The following TNFRSF8 variants were observed in gnomAD, a reference collection of about 807,000 sequenced individuals.
TNFRSF8 encodes the protein TNF receptor superfamily member 8.
A neutral mutation model predicts 70.8 loss-of-function variants in TNFRSF8; 26 were observed. The ratio of observed to expected loss-of-function variants is 0.37; its 90% CI spans 0.27 to 0.51. TNFRSF8 has a LOEUF of 0.51. TNFRSF8 is among the 20% of genes least tolerant of loss of function. The pLI, the probability that TNFRSF8 is intolerant of heterozygous loss-of-function variation, is 0.94. For synonymous variants in TNFRSF8, 356 were observed against 339.2 expected (o/e 1.05, Z -0.54); for missense variants, 720 against 807.9 (o/e 0.89, Z 1.32).
chr1:12,068,958 G>A (rs1264960091), intron 1 of TNFRSF8, among the ~76,000 whole-genome samples: 48 of 148,036 alleles, frequency 3.2e-4, no homozygotes, highest in African/African-American at 8.8e-4. Context: ...TGCAACCTCC[G>A]CCTCCCGGGT....
intron 2 of TNFRSF8, among the ~76,000 whole-genome samples, chr1:12,089,531 GT>G (rs1641210954): frequency 6.6e-6 from 1 of 152,150 alleles, no homozygotes; most frequent in Non-Finnish European, 1.5e-5. Context: ...ATAGGAGGAA[GT>G]ATGTGGGCGT....
chr1:12,094,369 C>T (rs148606279), intron 2 of TNFRSF8, among the ~76,000 whole-genome samples: 161 of 152,220 alleles, frequency 1.1e-3, no homozygotes, highest in Middle Eastern at 6.8e-3. Flanking sequence ...TGTGCAAAGG[C>T]CCTGGGGTGG....
chr1:12,072,628 T>C (rs1411826569), intron 1 of TNFRSF8, among the ~76,000 whole-genome samples: 1 of 152,108 alleles, frequency 6.6e-6, no homozygotes, highest in Non-Finnish European at 1.5e-5. Flanking sequence ...AGGTTCCCCT[T>C]GGGTTCTTGG....
chr1:12,123,342 C>T lies in TNFRSF8; in HGVS notation c.1005C>T (p.Cys335=), dbSNP rs1570063074. Residue 335 remains cysteine, a synonymous_variant, in exon 9 of 15, where the codon TGC becomes TGT. Coordinates refer to ENST00000263932, the MANE Select transcript of TNFRSF8 (RefSeq NM_001243.5). The part of the protein sequence containing the change: ...EAPPLGTQPD[C]NPTPENGEAP... ...CACCCCTGGGGACCCAGCCGGACTG[C>T]AACCCCACCCCAGAGAATGGCGAGG... The T allele has an allele frequency of 1.9e-6, 3 of 1,613,296 alleles. No individual in the cohort carries two copies. Among genetic ancestry groups the T allele is most frequent in the Non-Finnish European group, 1.7e-6 (2 of 1,179,760 alleles).
rs1640687042 is a variant in TNFRSF8 at position 12,063,648 on chromosome 1, G to T, written c.50G>T (p.Arg17Leu). The T allele has an allele frequency of 3.9e-6, 5 of 1,283,444 alleles. No homozygotes were observed. Among genetic ancestry groups the T allele is most frequent in the Non-Finnish European group, 5.0e-6 (5 of 1,005,888 alleles). The allele number at this position is 1,283,444 out of a possible 1,614,324, so 79.5% of individuals were successfully genotyped here. The change falls in exon 1 of 15, where the codon CGA becomes CTA. Residue 17 changes from arginine (R) to leucine (L), a missense_variant. By Grantham distance (102) the Arg-to-Leu change is moderately radical (BLOSUM62 -2). Transcript: ENST00000263932. The surrounding 1 kb of genome is among the most constrained non-coding windows in gnomAD (Gnocchi z 7.2). ...GGACTGCTGTTCCTGGGGGCGCTAC[G>T]AGCCTTCCCACAGGTAAGCGGGTGA... ...ALGLLFLGALRAFPQDRPFED... is the reference protein window; with the variant it reads ...ALGLLFLGALLAFPQDRPFED...
At chr1:12,091,890 C>G (rs1641253593) in intron 2 of TNFRSF8, among the ~76,000 whole-genome samples, 1 of 152,208 alleles carries the variant, frequency 6.6e-6, no homozygotes, top group Non-Finnish European at 1.5e-5. Flanking sequence ...ACCTAGATCC[C>G]TTGCACGTGC....
chr1:12,065,078 CTT>C (rs773549918), intron 1 of TNFRSF8, among the ~76,000 whole-genome samples: 4 of 88,256 alleles, frequency 4.5e-5, no homozygotes, highest in Admixed American at 1.6e-4. Context: ...CATACCAAAC[CTT>C]TTTTTTTTTT....
chr1:12,104,668 TG>T (rs1641489106), intron 4 of TNFRSF8, 137 bp downstream of exon 4: 1 of 1,126,796 alleles, frequency 8.9e-7, no homozygotes, highest in Non-Finnish European at 1.3e-6. Flanking sequence ...CCTTTGGCGA[TG>T]GGCCAGGGAT....
At chr1:12,126,878 CG>C (rs1448522320) in intron 12 of TNFRSF8, among the ~76,000 whole-genome samples, 1 of 152,216 alleles carries the variant, frequency 6.6e-6, no homozygotes, top group African/African-American at 2.4e-5. Flanking sequence ...TGCCTGCAAT[CG>C]GTGGCTGCTG....
chr1:12,084,347 C>T lies in TNFRSF8; in HGVS notation c.64-117C>T. 3 of 905,208 alleles carry T rather than the reference C, an allele frequency of 3.3e-6. No homozygotes were observed. The South Asian group carries it at 4.4e-5, about 13-fold the overall frequency. 56.1% of individuals were successfully genotyped at this position (905,208 alleles called of 1,614,324 possible). A position where few individuals can be genotyped will look rare whatever the true frequency, so the allele number is the denominator to read the frequency against. ...GGTTTGTGGAATCAGGAGTTCTCGT[C>T]CTGATTTCTCTCCTATATTACAAAG... On this transcript the variant is annotated intron_variant, in intron 1 of 14. Transcript: ENST00000263932.
chr1:12,127,066 G>A (rs1641955300), intron 12 of TNFRSF8, among the ~76,000 whole-genome samples: 1 of 152,170 alleles, frequency 6.6e-6, no homozygotes, highest in African/African-American at 2.4e-5. Flanking sequence ...ACCTGTCCAG[G>A]CAGGGTCGTC....
chr1:12,096,815 C>T (rs1641339496), intron 2 of TNFRSF8, among the ~76,000 whole-genome samples: 1 of 152,174 alleles, frequency 6.6e-6, no homozygotes, highest in Non-Finnish European at 1.5e-5. Context: ...ACAAATAGTG[C>T]TGACAAGGTC....
At chr1:12,087,282 C>G (rs1418251109) in intron 2 of TNFRSF8, among the ~76,000 whole-genome samples, 1 of 151,258 alleles carries the variant, frequency 6.6e-6, no homozygotes, top group Non-Finnish European at 1.5e-5. Context: ...ATTCTCTTGC[C>G]TCAGCCTCCT....
rs1185179819 is a variant in TNFRSF8 at position 12,113,100 on chromosome 1, C to G, written c.793+1086C>G. Among the ~76,000 whole-genome samples the G allele has an allele frequency of 1.3e-5, 2 of 152,224 alleles. No individual in the cohort carries two copies. The highest frequency in any genetic ancestry group is 6.5e-5 in the Admixed American group (1 of 15,282). ...CAGATTCTGTGAGTCAGAATTCAGA[C>G]AGGGCACTGCGGGGACAGCTTGTCT... is the stretch of plus-strand genomic sequence containing the variant. On this transcript the variant is annotated intron_variant, in intron 7 of 14. Coordinates refer to ENST00000263932, the MANE Select transcript of TNFRSF8 (RefSeq NM_001243.5). The surrounding 1 kb of genome is among the most constrained non-coding windows in gnomAD (Gnocchi z 4.9).
intron 12 of TNFRSF8, 31 bp downstream of exon 12, chr1:12,126,267 C>A (rs758916396): frequency 5.0e-6 from 8 of 1,613,848 alleles, no homozygotes; most frequent in South Asian, 1.1e-5. Flanking sequence ...AGGGGCTGCC[C>A]GAGCCAGAGG....
intron 10 of TNFRSF8, 54 bp from the exon 11 acceptor site, chr1:12,125,897 C>A: frequency 7.1e-7 from 1 of 1,417,404 alleles, no homozygotes; most frequent in Non-Finnish European, 1.0e-6. Flanking sequence ...GGGGCTGGGG[C>A]TGTCTTGTGT....
intron 3 of TNFRSF8, 72 bp from the exon 4 acceptor site, chr1:12,104,307 C>A (rs1019822953): frequency 6.4e-7 from 1 of 1,573,242 alleles, no homozygotes; most frequent in Admixed American, 1.7e-5. Context: ...CCCTCTCCCC[C>A]TCATCTCAAG....
chr1:12,095,099 A>G (rs904384045), intron 2 of TNFRSF8, among the ~76,000 whole-genome samples: 1 of 152,210 alleles, frequency 6.6e-6, no homozygotes, highest in Non-Finnish European at 1.5e-5. Context: ...TTATGAATTA[A>G]GGCAACAAAG....
chr1:12,072,990 G>C (rs1640874180), intron 1 of TNFRSF8, among the ~76,000 whole-genome samples: 1 of 152,172 alleles, frequency 6.6e-6, no homozygotes, highest in African/African-American at 2.4e-5. Context: ...AGGGAGGTGG[G>C]CAAGGAAACA....
Sources: allele counts gnomAD v4.1 joint callset (sites outside exome capture counted in the v4.1 genomes callset), GRCh38; gene constraint gnomAD v4.1.1; non-coding constraint Gnocchi (gnomAD v3.1); transcripts MANE v1.5; gene names NCBI Gene and HGNC (gene_info 2026-07-23, HGNC 2026-07-21).